Variants in CNTN5 observed in about 807,000 individuals in gnomAD.
CNTN5 encodes the protein contactin 5.
CNTN5 carries 77 observed loss-of-function variants against 129.1 expected under a neutral mutation model. The observed-to-expected ratio is 0.60, with a 90% CI of 0.50 to 0.72. CNTN5 has a LOEUF of 0.72. Among genes scored for constraint, CNTN5 ranks in the 30% least tolerant of loss-of-function variants. CNTN5 has a pLI of 0.00. For missense variants in CNTN5, 1,478 were observed against 1,328.8 expected (o/e 1.11, Z -1.75); for synonymous variants, 509 against 465.6 (o/e 1.09, Z -1.20).
At position 99,627,871 on chromosome 11, in the gene CNTN5, C is replaced by T. The variant is rs187592648; in HGVS notation, c.55+71602C>T. 3.3e-5 allele frequency among the ~76,000 whole-genome samples: 5 copies of T among 150,322 alleles called. No individual in the cohort carries two copies. The Admixed American group carries it at 3.3e-4, about 10-fold the overall frequency. On this transcript the variant is annotated intron_variant, in intron 3 of 24. Coordinates refer to ENST00000524871, the MANE Select transcript of CNTN5 (RefSeq NM_014361.4). ...ATTCCCCATATCATGCAGATTATTC[C>T]CCTGTTCCTAGGTTTGTTGACCATT...
At chr11:99,881,808 C>T (rs926099304) in intron 6 of CNTN5, among the ~76,000 whole-genome samples, 1 of 152,190 alleles carries the variant, frequency 6.6e-6, no homozygotes, top group Non-Finnish European at 1.5e-5. Flanking sequence ...TATCGCAGAG[C>T]TTGCAGTTTA....
At chr11:99,408,503 A>C (rs61892051) in intron 2 of CNTN5, among the ~76,000 whole-genome samples, 1 of 144,742 alleles carries the variant, frequency 6.9e-6, no homozygotes, top group Non-Finnish European at 1.5e-5. Flanking sequence ...AGAAAGAAAG[A>C]AAGTTAGTTC....
chr11:99,965,871 T>C (rs1297179445), intron 8 of CNTN5, among the ~76,000 whole-genome samples: 2 of 152,200 alleles, frequency 1.3e-5, no homozygotes, highest in Non-Finnish European at 2.9e-5. Context: ...AAAAATATGA[T>C]TGAAAAGTAC....
chr11:100,300,369 A>G (rs1951192387), intron 20 of CNTN5, among the ~76,000 whole-genome samples: 1 of 151,486 alleles, frequency 6.6e-6, no homozygotes, highest in African/African-American at 2.4e-5. Context: ...AAAAAATGAG[A>G]AAAGGAAAAG....
intron 18 of CNTN5, among the ~76,000 whole-genome samples, chr11:100,271,782 A>T (rs1170436779): frequency 6.6e-6 from 1 of 152,206 alleles, no homozygotes; most frequent in Non-Finnish European, 1.5e-5. Flanking sequence ...AAAACATTAC[A>T]TTATTCTCAG....
At chr11:99,651,991 C>G (rs1371742054) in intron 3 of CNTN5, among the ~76,000 whole-genome samples, 1 of 152,048 alleles carries the variant, frequency 6.6e-6, no homozygotes, top group African/African-American at 2.4e-5. Flanking sequence ...CTTGGCAGCA[C>G]AAACACCACA....
chr11:100,319,637 T>C (rs1951645480), intron 21 of CNTN5, among the ~76,000 whole-genome samples: 1 of 152,120 alleles, frequency 6.6e-6, no homozygotes, highest in Non-Finnish European at 1.5e-5. Flanking sequence ...TTAATTAGAG[T>C]CACAATGTTG....
intron 2 of CNTN5, among the ~76,000 whole-genome samples, chr11:99,440,032 T>C (rs1943764898): frequency 6.6e-6 from 1 of 152,154 alleles, no homozygotes; most frequent in Non-Finnish European, 1.5e-5. Context: ...AATACCATAA[T>C]GAATGCATTA....
At chr11:99,567,206 C>T (rs1458818858) in intron 3 of CNTN5, among the ~76,000 whole-genome samples, 1 of 152,090 alleles carries the variant, frequency 6.6e-6, no homozygotes, top group Non-Finnish European at 1.5e-5. Flanking sequence ...TTTCAACATA[C>T]CAGACAATAT....
At chr11:99,978,970 A>G (rs939101569) in intron 8 of CNTN5, among the ~76,000 whole-genome samples, 1 of 152,198 alleles carries the variant, frequency 6.6e-6, no homozygotes, top group East Asian at 1.9e-4. Context: ...TTAGGTTGCT[A>G]TCCCAGTTCT....
intron 21 of CNTN5, among the ~76,000 whole-genome samples, chr11:100,330,942 G>A (rs911868544): frequency 6.6e-6 from 1 of 152,016 alleles, no homozygotes; most frequent in African/African-American, 2.4e-5. Flanking sequence ...AGGTATTCAG[G>A]CAACAAATAG....
At chr11:99,853,878 G>C (rs1383323311) in intron 6 of CNTN5, among the ~76,000 whole-genome samples, 1 of 152,036 alleles carries the variant, frequency 6.6e-6, no homozygotes, top group Non-Finnish European at 1.5e-5. Flanking sequence ...TATTTCTTCA[G>C]CCACACAGCT....
Position 100,191,266 on chromosome 11 carries a change from G to T in CNTN5, c.1708+13G>T. 4 of 1,605,030 alleles carry T rather than the reference G, an allele frequency of 2.5e-6. No individual in the cohort carries two copies. The highest frequency in any genetic ancestry group is 3.4e-6 in the Non-Finnish European group (4 of 1,175,540). ...CTATCTGTAAAAGGTAAGACAGCACGGGTAAATGTTTTACAAGCATAGTCT... is the reference window on the plus strand; with the variant it reads ...CTATCTGTAAAAGGTAAGACAGCACTGGTAAATGTTTTACAAGCATAGTCT... On this transcript the variant is annotated intron_variant, in intron 14 of 24. Transcript: ENST00000524871.
chr11:100,347,962 G>A (rs1209361840), intron 23 of CNTN5, among the ~76,000 whole-genome samples: 1 of 151,940 alleles, frequency 6.6e-6, no homozygotes, highest in Non-Finnish European at 1.5e-5. Flanking sequence ...ATATAGAATA[G>A]CCATTTTCAG....
intron 2 of CNTN5, among the ~76,000 whole-genome samples, chr11:99,394,365 G>C (rs1287712343): frequency 6.6e-6 from 1 of 151,366 alleles, no homozygotes; most frequent in South Asian, 2.1e-4. Context: ...ACAAACAAAA[G>C]AATTACCTCA....
chr11:99,093,702 T>C lies in CNTN5; in HGVS notation c.-210+72432T>C, dbSNP rs532738766. 2.6e-5 allele frequency among the ~76,000 whole-genome samples: 4 copies of C among 152,172 alleles called. No individual in the cohort carries two copies. The East Asian group carries it at 7.7e-4, about 29-fold the overall frequency. On this transcript the variant is annotated intron_variant, in intron 1 of 24. Transcript: ENST00000524871. ...TGACAAACTTAGGGACAGTTTGTAA[T>C]AACCACCCCTGAGTTTATAGCCCTT...
chr11:100,184,111 G>T (rs1482794104), intron 13 of CNTN5, among the ~76,000 whole-genome samples: 2 of 152,010 alleles, frequency 1.3e-5, no homozygotes, highest in Non-Finnish European at 2.9e-5. Flanking sequence ...AATAGCTCAG[G>T]TTTCTGTGTT....
intron 6 of CNTN5, among the ~76,000 whole-genome samples, chr11:99,881,682 C>T (rs1948776289): frequency 1.3e-5 from 2 of 152,124 alleles, no homozygotes; most frequent in Admixed American, 6.6e-5. Context: ...GTAAGTGCTG[C>T]GTATAAACTA....
At chr11:99,273,033 T>C (rs1253012506) in intron 1 of CNTN5, among the ~76,000 whole-genome samples, 3 of 151,950 alleles carry the variant, frequency 2.0e-5, no homozygotes, top group East Asian at 1.9e-4. Flanking sequence ...ATTTATACAA[T>C]ACAAATAACA....
Sources: gnomAD v4.1 joint callset for allele counts (sites outside exome capture counted in the v4.1 genomes callset) on GRCh38, gnomAD v4.1.1 for gene constraint, MANE v1.5 for transcripts, NCBI Gene and HGNC (gene_info 2026-07-23, HGNC 2026-07-21) for gene names.